MAP4K3: variants seen among roughly 807,000 people sequenced by gnomAD.
MAP4K3 encodes MAPK/ERK kinase kinase kinase 3.
A neutral mutation model predicts 143.5 loss-of-function variants in MAP4K3; 94 were observed. The ratio of observed to expected loss-of-function variants is 0.65; its 90% CI spans 0.55 to 0.78. The LOEUF (loss-of-function observed/expected upper bound fraction) is 0.78. Ranked by LOEUF, MAP4K3 falls within the 30% of genes least tolerant of loss-of-function variation. MAP4K3 has a pLI of 0.00. For missense variants in MAP4K3, 1,077 were observed against 1,068.1 expected, an observed-to-expected ratio of 1.01 and a Z score of -0.12; for synonymous variants, 416 against 347.2, an observed-to-expected ratio of 1.20 and a Z score of -2.20.
At chr2:39,423,311 G>T (rs1664950287) in intron 1 of MAP4K3, among the ~76,000 whole-genome samples, 1 of 152,150 alleles carries the variant, frequency 6.6e-6, no homozygotes, top group African/African-American at 2.4e-5. Flanking sequence ...CTCATTCATT[G>T]CTGTTAGAAA....
At chr2:39,337,621 C>A in intron 4 of MAP4K3, 40 bp from the exon 5 acceptor site, 1 of 1,368,892 alleles carries the variant, frequency 7.3e-7, no homozygotes, top group South Asian at 1.2e-5. Flanking sequence ...AATTAGTCAA[C>A]GCATGTTTTT....
chr2:39,341,443 G>A (rs1349631046), intron 4 of MAP4K3, among the ~76,000 whole-genome samples: 2 of 151,852 alleles, frequency 1.3e-5, no homozygotes, highest in East Asian at 1.9e-4. Flanking sequence ...CGGATCACAA[G>A]GTCAGGAGTT....
At chr2:39,291,764 C>A (rs1328787012) in intron 18 of MAP4K3, among the ~76,000 whole-genome samples, 6 of 152,114 alleles carry the variant, frequency 3.9e-5, no homozygotes, top group Admixed American at 3.9e-4. Flanking sequence ...GCAGTCCCAG[C>A]TACTCAGGAG....
intron 32 of MAP4K3, among the ~76,000 whole-genome samples, chr2:39,252,568 C>T (rs1299267036): frequency 6.6e-6 from 1 of 152,130 alleles, no homozygotes; most frequent in African/African-American, 2.4e-5. Context: ...TCAGTGTGAC[C>T]AACTACCAGT....
intron 26 of MAP4K3, among the ~76,000 whole-genome samples, chr2:39,268,306 A>G (rs1680855166): frequency 6.6e-6 from 1 of 152,210 alleles, no homozygotes; most frequent in East Asian, 1.9e-4. Context: ...ATTTCTGTAC[A>G]TACTTTTTAT....
chr2:39,395,003 A>G (rs1259079716), intron 1 of MAP4K3, among the ~76,000 whole-genome samples: 1 of 151,914 alleles, frequency 6.6e-6, no homozygotes, highest in Non-Finnish European at 1.5e-5. Flanking sequence ...AAATGGAACA[A>G]GAGAATGATT....
Position 39,331,545 on chromosome 2 carries a change from A to C in MAP4K3, c.530+372T>G, listed in dbSNP as rs538195144. ...TTTTTAGCAAAGAGGTACTTGAATA[A>C]TGTAATGTTGAAAGATTAATCACAA... On this transcript the variant is annotated intron_variant, in intron 8 of 33. Coordinates refer to ENST00000263881, the MANE Select transcript of MAP4K3 (RefSeq NM_003618.4). Among the ~76,000 whole-genome samples the C allele has an allele frequency of 7.2e-5, 11 of 152,256 alleles. No individual in the cohort carries two copies. The South Asian group carries it at 2.3e-3, about 32-fold the overall frequency.
intron 1 of MAP4K3, among the ~76,000 whole-genome samples, chr2:39,405,514 G>T (rs1054913268): frequency 1.3e-5 from 2 of 152,112 alleles, no homozygotes; most frequent in Admixed American, 1.3e-4. Context: ...GCCCAGACAT[G>T]AACAAACATC....
intron 31 of MAP4K3, among the ~76,000 whole-genome samples, chr2:39,257,013 A>C (rs1291484314): frequency 6.6e-6 from 1 of 152,248 alleles, no homozygotes; most frequent in African/African-American, 2.4e-5. Context: ...CATCTTGATC[A>C]GATATCCCTC....
chr2:39,322,590 A>ATGTGTGTG (rs1435720329), intron 12 of MAP4K3, among the ~76,000 whole-genome samples: 13 of 48,142 alleles, frequency 2.7e-4, no homozygotes, highest in East Asian at 6.5e-4. Flanking sequence ...TAGATGTGGT[A>ATGTGTGTG]TATGTGTGTG....
chr2:39,269,112 CT>C lies in MAP4K3; in HGVS notation c.1974-1866del, dbSNP rs34649274. Among the ~76,000 whole-genome samples, 333 of 148,834 alleles carry C rather than the reference CT, an allele frequency of 2.2e-3. 6 individuals carry two copies. The East Asian group carries it at 0.027, about 12-fold the overall frequency. The stretch of plus-strand genomic sequence containing the variant: ...ATAGATGCCAGTGCTCTGTACAAGT[CT>C]TTTTTTTTTTTTAGAGTTGTACAAT... On this transcript the variant is annotated intron_variant, in intron 26 of 33. Transcript: ENST00000263881.
intron 1 of MAP4K3, among the ~76,000 whole-genome samples, chr2:39,429,363 C>G: frequency 6.6e-6 from 1 of 152,104 alleles, no homozygotes; most frequent in East Asian, 1.9e-4. Flanking sequence ...GATCAGAAGA[C>G]TCAATGTTTT....
At chr2:39,340,174 T>C (rs1317385565) in intron 4 of MAP4K3, among the ~76,000 whole-genome samples, 2 of 152,156 alleles carry the variant, frequency 1.3e-5, no homozygotes, top group African/African-American at 4.8e-5. Context: ...CAGGATATAA[T>C]ACTCTCTCTA....
Position 39,379,348 on chromosome 2 carries a change from A to C in MAP4K3, c.97-1225T>G, listed in dbSNP as rs143588748. Among the ~76,000 whole-genome samples the C allele has an allele frequency of 5.4e-3, 829 of 152,250 alleles. 9 individuals are homozygous for C. Among genetic ancestry groups the C allele is most frequent in the African/African-American group, 0.019 (773 of 41,564 alleles). On this transcript the variant is annotated intron_variant, in intron 1 of 33. Coordinates refer to ENST00000263881, the MANE Select transcript of MAP4K3 (RefSeq NM_003618.4). ...AAAATTTGCAGGGAAAATTCATTTAAAAATTGTTCCTTCAAACAAAATCCC... is the reference window on the plus strand; with the variant it reads ...AAAATTTGCAGGGAAAATTCATTTACAAATTGTTCCTTCAAACAAAATCCC...
chr2:39,405,546 A>G (rs1223725278), intron 1 of MAP4K3, among the ~76,000 whole-genome samples: 1 of 152,188 alleles, frequency 6.6e-6, no homozygotes, highest in East Asian at 1.9e-4. Context: ...AGACCATCCA[A>G]GGAAACATGA....
chr2:39,381,112 G>A (rs1446656318), intron 1 of MAP4K3, among the ~76,000 whole-genome samples: 1 of 152,142 alleles, frequency 6.6e-6, no homozygotes, highest in Non-Finnish European at 1.5e-5. Context: ...TTGGTGTAAT[G>A]CTTTCAGACT....
At chr2:39,306,298 T>A (rs1682704828) in intron 15 of MAP4K3, among the ~76,000 whole-genome samples, 1 of 152,258 alleles carries the variant, frequency 6.6e-6, no homozygotes, top group African/African-American at 2.4e-5. Flanking sequence ...TCTGAAAACA[T>A]TTTCAATCCA....
At chr2:39,265,633 G>A (rs1313731803) in intron 27 of MAP4K3, among the ~76,000 whole-genome samples, 1 of 152,156 alleles carries the variant, frequency 6.6e-6, no homozygotes, top group Non-Finnish European at 1.5e-5. Context: ...TCTGATAAAA[G>A]GGTCAAAGTA....
chr2:39,254,321 A>G (rs761715506), intron 32 of MAP4K3, 129 bp downstream of exon 32: 1 of 686,146 alleles, frequency 1.5e-6, no homozygotes, highest in African/African-American at 1.8e-5. Flanking sequence ...GACTTTATCA[A>G]TAGACTAAAT....
Sources: gnomAD v4.1 joint callset for allele counts (sites outside exome capture counted in the v4.1 genomes callset) on GRCh38, gnomAD v4.1.1 for gene constraint, MANE v1.5 for transcripts, NCBI Gene and HGNC (gene_info 2026-07-23, HGNC 2026-07-21) for gene names.